The following IGF2BP2 variants were observed in gnomAD, a reference collection of about 807,000 sequenced individuals.
IGF2BP2 encodes the protein insulin like growth factor 2 mRNA binding protein 2.
Under a neutral mutation model 75.8 loss-of-function variants are expected in IGF2BP2, and 17 were observed. The ratio of observed to expected loss-of-function variants is 0.22; its 90% CI spans 0.15 to 0.34. The LOEUF (loss-of-function observed/expected upper bound fraction) is 0.34. IGF2BP2 is among the 10% of genes least tolerant of loss of function. The pLI, the probability that IGF2BP2 is intolerant of heterozygous loss-of-function variation, is 1.00. For missense variants in IGF2BP2, 516 were observed against 772.4 expected (o/e 0.67, Z 3.93); for synonymous variants, 288 against 295.6 (o/e 0.97, Z 0.26).
At position 185,811,871 on chromosome 3, in the gene IGF2BP2, TCTCTCTCC is replaced by T. The variant is rs1225498128; in HGVS notation, c.239+11274_239+11281del. Among the ~76,000 whole-genome samples, 106 of 53,052 alleles carry T rather than the reference TCTCTCTCC, an allele frequency of 2.0e-3. 2 individuals are homozygous for T. The highest frequency in any genetic ancestry group is 0.017 in the South Asian group (28 of 1,614). The allele number at this position is 53,052 out of a possible 152,430, so 34.8% of individuals were successfully genotyped here. A position where few individuals can be genotyped will look rare whatever the true frequency, so the allele number is the denominator to read the frequency against. ...CTCTCTCTCTCTCTCTCTCTCTCTC[TCTCTCTCC>T]CCCTCTCCCTGCCTGGGCATCAGAA... On this transcript the variant is annotated intron_variant, in intron 2 of 15. Coordinates refer to ENST00000382199, the MANE Select transcript of IGF2BP2 (RefSeq NM_006548.6).
At chr3:185,702,301 T>A (rs1018825535) in intron 2 of IGF2BP2, among the ~76,000 whole-genome samples, 1 of 152,054 alleles carries the variant, frequency 6.6e-6, no homozygotes, top group African/African-American at 2.4e-5. Flanking sequence ...CTATTTTTTC[T>A]TTGCCAGGAA....
intron 10 of IGF2BP2, among the ~76,000 whole-genome samples, chr3:185,663,878 T>C (rs1345706743): frequency 6.6e-6 from 1 of 152,250 alleles, no homozygotes; most frequent in African/African-American, 2.4e-5. Context: ...GTCTTTCTAA[T>C]GTACTGCTGA....
intron 2 of IGF2BP2, among the ~76,000 whole-genome samples, chr3:185,792,968 TAGCACACAAG>T (rs1736855203): frequency 6.6e-6 from 1 of 152,000 alleles, no homozygotes; most frequent in Non-Finnish European, 1.5e-5. Context: ...TCTACTGCCT[TAGCACACAAG>T]GGCACACAAG....
At chr3:185,699,064 C>T (rs1327852051) in intron 2 of IGF2BP2, among the ~76,000 whole-genome samples, 1 of 152,184 alleles carries the variant, frequency 6.6e-6, no homozygotes, top group East Asian at 1.9e-4. Flanking sequence ...ATCCGCCTGC[C>T]TCGGCCTCCC....
At chr3:185,806,696 G>C (rs1739079224) in intron 2 of IGF2BP2, among the ~76,000 whole-genome samples, 1 of 152,130 alleles carries the variant, frequency 6.6e-6, no homozygotes, top group Non-Finnish European at 1.5e-5. Context: ...CACACAGAAT[G>C]AATCATTTAA....
chr3:185,668,406 G>C (rs1000807479), intron 10 of IGF2BP2, among the ~76,000 whole-genome samples: 2 of 150,712 alleles, frequency 1.3e-5, no homozygotes, highest in African/African-American at 2.4e-5. Flanking sequence ...CTAGGGCGGG[G>C]GTATTGGGTG....
In IGF2BP2 at chr3:185,823,189, A is replaced by C; in HGVS notation, c.203T>G (p.Ile68Ser). 1 of 1,609,968 alleles carries C rather than the reference A, an allele frequency of 6.2e-7. No homozygotes were observed. The change falls in exon 2 of 16, where the codon ATC becomes AGC. Residue 68 changes from isoleucine (I) to serine (S), a missense_variant. Coordinates refer to ENST00000382199, the MANE Select transcript of IGF2BP2 (RefSeq NM_006548.6). ...LSGKVELHGK[I>S]MEVDYSVSKK... ...AGAGACTGAGTAATCAACTTCCATGATTTTCCCATGCAATTCCACTTTACC... is the reference window on the plus strand; with the variant it reads ...AGAGACTGAGTAATCAACTTCCATGCTTTTCCCATGCAATTCCACTTTACC...
intron 10 of IGF2BP2, among the ~76,000 whole-genome samples, chr3:185,670,650 C>G (rs1718369416): frequency 6.6e-6 from 1 of 152,176 alleles, no homozygotes; most frequent in African/African-American, 2.4e-5. Flanking sequence ...CTCACCGTAA[C>G]CTCCGCCTCC....
chr3:185,719,009 G>A (rs1331710189), intron 2 of IGF2BP2, among the ~76,000 whole-genome samples: 12 of 152,244 alleles, frequency 7.9e-5, no homozygotes, highest in South Asian at 4.2e-4. Context: ...AGTGTGGACC[G>A]CGGTAGGACT....
chr3:185,800,419 TAATAATAAAATAC>T (rs1208304041), intron 2 of IGF2BP2, among the ~76,000 whole-genome samples: 2 of 151,952 alleles, frequency 1.3e-5, no homozygotes, highest in African/African-American at 4.8e-5. Flanking sequence ...CCTAGAAGTA[TAATAATAAAATAC>T]AATAATAAAA....
intron 2 of IGF2BP2, among the ~76,000 whole-genome samples, chr3:185,748,671 A>T (rs1730576015): frequency 6.6e-6 from 1 of 152,152 alleles, no homozygotes; most frequent in Non-Finnish European, 1.5e-5. Flanking sequence ...CACGGTGGCA[A>T]CCCTGTCCCA....
At chr3:185,746,696 T>C (rs1730294707) in intron 2 of IGF2BP2, among the ~76,000 whole-genome samples, 1 of 152,192 alleles carries the variant, frequency 6.6e-6, no homozygotes, top group African/African-American at 2.4e-5. Flanking sequence ...GAAACATATA[T>C]CATATTATGC....
intron 2 of IGF2BP2, among the ~76,000 whole-genome samples, chr3:185,780,417 A>C (rs757350963): frequency 8.5e-5 from 13 of 152,262 alleles, no homozygotes; most frequent in Middle Eastern, 3.4e-3. Context: ...TTATGGAGAG[A>C]ACATATGTTC....
chr3:185,736,378 A>G (rs548030996), intron 2 of IGF2BP2, among the ~76,000 whole-genome samples: 2 of 151,742 alleles, frequency 1.3e-5, no homozygotes, highest in Non-Finnish European at 1.5e-5. Context: ...TCTGTTGCCT[A>G]ACTCCTATGG....
At chr3:185,816,926 C>T (rs1740691322) in intron 2 of IGF2BP2, among the ~76,000 whole-genome samples, 1 of 152,134 alleles carries the variant, frequency 6.6e-6, no homozygotes, top group Admixed American at 6.5e-5. Flanking sequence ...ACAGCAAATC[C>T]TTACTTTGAG....
chr3:185,778,041 G>A (rs1734739358), intron 2 of IGF2BP2, among the ~76,000 whole-genome samples: 1 of 151,996 alleles, frequency 6.6e-6, no homozygotes, highest in African/African-American at 2.4e-5. Flanking sequence ...TCACAAATGT[G>A]GAGGCTCGCT....
intron 2 of IGF2BP2, among the ~76,000 whole-genome samples, chr3:185,783,881 A>G (rs1735528929): frequency 6.6e-6 from 1 of 152,232 alleles, no homozygotes; most frequent in South Asian, 2.1e-4. Context: ...GAAAGTTATT[A>G]TACATACATA....
At chr3:185,824,334 A>G (rs1377755407) in intron 1 of IGF2BP2, among the ~76,000 whole-genome samples, 1 of 143,548 alleles carries the variant, frequency 7.0e-6, no homozygotes, top group African/African-American at 2.6e-5. Context: ...ACTGGAAGAG[A>G]GAAGGTCCGG....
intron 7 of IGF2BP2, among the ~76,000 whole-genome samples, chr3:185,685,043 T>C (rs751471238): frequency 2.0e-5 from 3 of 152,112 alleles, no homozygotes; most frequent in Non-Finnish European, 4.4e-5. Flanking sequence ...TGTTTGCACC[T>C]AGGTTGAAGA....
Sources: allele counts gnomAD v4.1 joint callset (sites outside exome capture counted in the v4.1 genomes callset), GRCh38; gene constraint gnomAD v4.1.1; transcripts MANE v1.5; gene names NCBI Gene and HGNC (gene_info 2026-07-23, HGNC 2026-07-21).